Variants in KRT7 observed in about 807,000 individuals in gnomAD.
The protein encoded by KRT7 is keratin, type II cytoskeletal 7.
KRT7 carries 50 observed loss-of-function variants against 42.8 expected under a neutral mutation model. That is an observed-to-expected ratio of 1.17 (90% CI 0.93 to 1.48). KRT7 has a LOEUF of 1.48. KRT7 is among the 40% of genes most tolerant of loss of function. KRT7 has a pLI of 0.00. For missense variants in KRT7, 588 were observed against 637.6 expected, an observed-to-expected ratio of 0.92 and a Z score of 0.84; for synonymous variants, 268 against 266.3, an observed-to-expected ratio of 1.01 and a Z score of -0.06.
At chr12:52,253,760 GA>G (rs1322621695), downstream of KRT7, 6 of 935,330 alleles carry the variant, frequency 6.4e-6, no homozygotes, top group Non-Finnish European at 9.7e-6. Context: ...GGAGAACGCG[GA>G]TCTCCTGCAG....
At chr12:52,250,625 G>A (rs1427713986), downstream of KRT7, 3 of 913,910 alleles carry the variant, frequency 3.3e-6, no homozygotes, top group Admixed American at 6.1e-5. Flanking sequence ...AGACCCCGCC[G>A]CGAGAGCTGC....
chr12:52,248,522 G>A, intron 8 of KRT7, 69 bp from the exon 9 acceptor site: 21 of 1,428,148 alleles, frequency 1.5e-5, no homozygotes, highest in Non-Finnish European at 1.9e-5. Context: ...AGGGTGGGGT[G>A]CAGTGAAGGG....
Position 52,238,774 on chromosome 12 carries a change from C to T in KRT7, c.692C>T (p.Thr231Met), listed in dbSNP as rs150744922. The T allele has an allele frequency of 6.1e-5, 97 of 1,593,430 alleles. 1 individual carries two copies. Among genetic ancestry groups the T allele is most frequent in the East Asian group, 3.3e-4 (15 of 44,780 alleles). Residue 231 changes from threonine to methionine, a missense_variant and splice_region_variant, in exon 4 of 9, where the codon ACG becomes ATG. Transcript: ENST00000331817. ...AACTTCCTCAGGACCCTCAATGAGA[C>T]GGTGAGGACCATGGAGCTGGGTGAC... is the stretch of plus-strand genomic sequence containing the variant. ...EINFLRTLNE[T>M]ELTELQSQIS...
chr12:52,242,697 C>T (rs1942110238), intron 5 of KRT7, among the ~76,000 whole-genome samples: 1 of 152,004 alleles, frequency 6.6e-6, no homozygotes, highest in Non-Finnish European at 1.5e-5. Context: ...AATGGGTGTT[C>T]TGGGTGTTGA....
downstream of KRT7, chr12:52,251,726 CTAA>C (rs1327870602): frequency 5.9e-6 from 2 of 337,458 alleles, no homozygotes; most frequent in Admixed American, 4.3e-5. Flanking sequence ...ATGACTGTAG[CTAA>C]TTAAGTTACT....
intron 6 of KRT7, chr12:52,244,350 C>T (rs551313477): frequency 8.1e-6 from 8 of 985,642 alleles, no homozygotes; most frequent in Admixed American, 1.2e-4. Context: ...CTACTACATC[C>T]GGTTCTCCTC....
chr12:52,247,995 G>A, intron 7 of KRT7, 182 bp from the exon 8 acceptor site: 2 of 634,130 alleles, frequency 3.2e-6, no homozygotes, highest in Non-Finnish European at 5.7e-6. Context: ...GAAGGGCCAA[G>A]GTGAACACTC....
Position 52,238,695 on chromosome 12 carries a change from T to C in KRT7, c.613T>C (p.Tyr205His). 6.2e-7 allele frequency: 1 copy of C among 1,613,558 alleles called. No homozygotes were observed. Residue 205 changes from tyrosine (Y) to histidine (H), a missense_variant, in exon 4 of 9, where the codon TAC becomes CAC. Coordinates refer to ENST00000331817, the MANE Select transcript of KRT7 (RefSeq NM_005556.4). ...CAACCCCCAGGATGTGGATGCTGCC[T>C]ACATGAGCAAGGTGGAGCTGGAGGC... ...VVLKKDVDAA[Y>H]MSKVELEAKV...
In KRT7 at chr12:52,248,727, C is replaced by T. The variant is rs769849596; in HGVS notation, c.1377C>T (p.Thr459=). The T allele has an allele frequency of 2.1e-5, 33 of 1,598,166 alleles. No individual in the cohort carries two copies. The highest frequency in any genetic ancestry group is 9.4e-5 in the African/African-American group (7 of 74,410). ...PGLLKAYSIR[T]ASASRRSARD is the part of the protein sequence containing the mutation. ...TCCTGAAGGCTTATTCCATCCGGACCGCATCCGCCAGTCGCAGGAGTGCCC... is the reference window on the plus strand; with the variant it reads ...TCCTGAAGGCTTATTCCATCCGGACTGCATCCGCCAGTCGCAGGAGTGCCC... Residue 459 remains threonine, a synonymous_variant, in exon 9 of 9, where the codon ACC becomes ACT. Transcript: ENST00000331817.
chr12:52,244,246 C>T, intron 6 of KRT7: 1 of 872,468 alleles, frequency 1.1e-6, no homozygotes, highest in South Asian at 5.3e-5. Context: ...GGCACAGAGG[C>T]AGGGCCGTGA....
Position 52,248,874 on chromosome 12 carries a change from A to G in KRT7, c.*114A>G, listed in dbSNP as rs1177864764. ...GTGAGACAGTCTGGAAAGTGATGTCAGAATAGCTTCCAATAAAGCAGCCTC... is the reference window on the plus strand; with the variant it reads ...GTGAGACAGTCTGGAAAGTGATGTCGGAATAGCTTCCAATAAAGCAGCCTC... On this transcript the variant is annotated 3_prime_UTR_variant, in exon 9 of 9. Transcript: ENST00000331817. 9.3e-7 allele frequency: 1 copy of G among 1,076,828 alleles called. No individual in the cohort carries two copies. Among genetic ancestry groups the G allele is most frequent in the African/African-American group, 1.6e-5 (1 of 60,744 alleles). 66.7% of individuals were successfully genotyped at this position (1,076,828 alleles called of 1,614,324 possible).
At chr12:52,252,606 C>T (rs1942284205), downstream of KRT7, 16 of 1,196,362 alleles carry the variant, frequency 1.3e-5, no homozygotes, top group African/African-American at 3.1e-5. Context: ...CCAGGGGTTG[C>T]AAATTAGTGC....
chr12:52,248,871 G>C lies in KRT7; in HGVS notation c.*111G>C. Reference sequence around the variant, plus strand: ...ACAGTGAGACAGTCTGGAAAGTGATGTCAGAATAGCTTCCAATAAAGCAGC... The same window carrying C: ...ACAGTGAGACAGTCTGGAAAGTGATCTCAGAATAGCTTCCAATAAAGCAGC... On this transcript the variant is annotated 3_prime_UTR_variant, in exon 9 of 9. Coordinates refer to ENST00000331817, the MANE Select transcript of KRT7 (RefSeq NM_005556.4). 9.1e-7 allele frequency: 1 copy of C among 1,096,804 alleles called. No individual in the cohort carries two copies. Among genetic ancestry groups the C allele is most frequent in the Non-Finnish European group, 1.2e-6 (1 of 811,846 alleles). 67.9% of individuals were successfully genotyped at this position (1,096,804 alleles called of 1,614,324 possible).
Position 52,233,614 on chromosome 12 carries a change from C to T in KRT7, c.318C>T (p.Ile106=), listed in dbSNP as rs1941957487. Residue 106 remains isoleucine (I), a synonymous_variant, in exon 1 of 9, where the codon ATC becomes ATT. Transcript: ENST00000331817. ...KTLNNKFASF[I]DKVRFLEQQN... is the part of the protein sequence containing the mutation. ...TCAACAACAAGTTTGCCTCCTTCAT[C>T]GACAAGGTGAGCGGGACTGGACCTC... 10 of 1,612,524 alleles carry T rather than the reference C, an allele frequency of 6.2e-6. No individual in the cohort carries two copies. The highest frequency in any genetic ancestry group is 8.5e-6 in the Non-Finnish European group (10 of 1,179,630).
At chr12:52,239,625 G>A (rs1346450210) in intron 4 of KRT7, among the ~76,000 whole-genome samples, 1 of 152,096 alleles carries the variant, frequency 6.6e-6, no homozygotes, top group Non-Finnish European at 1.5e-5. Context: ...GATTGGGTGG[G>A]ACTGGAAGGA....
Position 52,248,756 on chromosome 12 carries a change from A to C in KRT7, c.1406A>C (p.Asp469Ala). The C allele has an allele frequency of 6.4e-7, 1 of 1,559,300 alleles. No homozygotes were observed. Among genetic ancestry groups the C allele is most frequent in the Non-Finnish European group, 8.6e-7 (1 of 1,156,088 alleles). ...TASASRRSAR[D>A] ...TCCGCCAGTCGCAGGAGTGCCCGCG[A>C]CTGAGCCGCCTCCCACCACTCCACT... The change falls in exon 9 of 9, where the codon GAC becomes GCC. Residue 469 changes from aspartate (D) to alanine (A), a missense_variant. Coordinates refer to ENST00000331817, the MANE Select transcript of KRT7 (RefSeq NM_005556.4).
downstream of KRT7, chr12:52,252,192 G>C: frequency 1.3e-6 from 2 of 1,549,004 alleles, no homozygotes; most frequent in Non-Finnish European, 1.8e-6. Flanking sequence ...CATGCTCCTG[G>C]GTGTTGAAGC....
chr12:52,253,591 T>C, downstream of KRT7: 3 of 1,591,076 alleles, frequency 1.9e-6, no homozygotes, highest in Non-Finnish European at 2.6e-6. Context: ...AGGTGTCCTG[T>C]GCCACTCACC....
At chr12:52,240,934 C>T (rs1942079154) in intron 4 of KRT7, among the ~76,000 whole-genome samples, 1 of 150,464 alleles carries the variant, frequency 6.6e-6, no homozygotes, top group Non-Finnish European at 1.5e-5. Flanking sequence ...TCCCCCCACG[C>T]CCCCGACAGG....
Sources: gnomAD v4.1 joint callset for allele counts (sites outside exome capture counted in the v4.1 genomes callset) on GRCh38, gnomAD v4.1.1 for gene constraint, MANE v1.5 for transcripts, NCBI Gene and HGNC (gene_info 2026-07-23, HGNC 2026-07-21) for gene names.